The following HERC1 variants were observed in gnomAD, a reference collection of about 807,000 sequenced individuals.
The protein encoded by HERC1 is probable E3 ubiquitin-protein ligase HERC1.
Under a neutral mutation model 554.3 loss-of-function variants are expected in HERC1, and 160 were observed. The observed-to-expected ratio is 0.29, with a 90% CI of 0.25 to 0.33. HERC1 has a LOEUF of 0.33. HERC1 is among the 10% of genes least tolerant of loss of function. The pLI, the probability that HERC1 is intolerant of heterozygous loss-of-function variation, is 1.00. For synonymous variants in HERC1, 2,175 were observed against 2,131.7 expected (o/e 1.02, Z -0.56); for missense variants, 4,919 against 5,918.5 (o/e 0.83, Z 5.54).
chr15:63,635,544 T>C (rs2068744762), intron 65 of HERC1, among the ~76,000 whole-genome samples: 1 of 152,234 alleles, frequency 6.6e-6, no homozygotes, highest in South Asian at 2.1e-4. Context: ...CTATACAATC[T>C]TACAATATGA....
intron 1 of HERC1, among the ~76,000 whole-genome samples, chr15:63,833,549 G>C (rs976722835): frequency 4.6e-5 from 7 of 151,884 alleles, no homozygotes; most frequent in South Asian, 2.1e-4. Flanking sequence ...CCCTCTCCGC[G>C]GGCGCCTCGG....
chr15:63,645,579 C>T lies in HERC1; in HGVS notation c.10982G>A (p.Cys3661Tyr). The T allele has an allele frequency of 1.2e-6, 2 of 1,613,388 alleles. No individual in the cohort carries two copies. Among genetic ancestry groups the T allele is most frequent in the Non-Finnish European group, 1.7e-6 (2 of 1,179,574 alleles). The part of the protein sequence containing the change: ...KLWGSISGCW[C>Y]CLHSLCHPSI... ...TGGATGGCAGAGTGAATGTAGACAG[C>T]ACCAGCATCCCGAAATAGAGCCCCA... is the stretch of plus-strand genomic sequence containing the variant. The change falls in exon 56 of 78, where the codon TGC becomes TAC. Residue 3661 changes from cysteine to tyrosine, a missense_variant. Physicochemically the swap from Cys to Tyr is radical, Grantham distance 194. Transcript: ENST00000443617.
intron 1 of HERC1, among the ~76,000 whole-genome samples, chr15:63,801,485 G>A (rs1356676072): frequency 6.6e-6 from 1 of 152,138 alleles, no homozygotes; most frequent in African/African-American, 2.4e-5. Flanking sequence ...TCACACACTT[G>A]TTGTCAGAAG....
At chr15:63,778,141 A>C (rs2076167152) in intron 1 of HERC1, among the ~76,000 whole-genome samples, 1 of 152,222 alleles carries the variant, frequency 6.6e-6, no homozygotes, top group East Asian at 1.9e-4. Flanking sequence ...AATAATTGTA[A>C]ATAAAAAAGA....
At chr15:63,616,892 C>T (rs1199998631) in intron 74 of HERC1, among the ~76,000 whole-genome samples, 3 of 152,118 alleles carry the variant, frequency 2.0e-5, no homozygotes, top group Non-Finnish European at 2.9e-5. Flanking sequence ...CACATGTGGA[C>T]CGTAGTTATT....
At chr15:63,707,244 G>C (rs1391159946) in intron 24 of HERC1, among the ~76,000 whole-genome samples, 12 of 152,084 alleles carry the variant, frequency 7.9e-5, no homozygotes, top group Admixed American at 7.2e-4. Context: ...ACTTCCACTA[G>C]CCTTCGCTAG....
intron 26 of HERC1, among the ~76,000 whole-genome samples, chr15:63,697,492 T>C (rs1205590518): frequency 1.1e-4 from 16 of 150,660 alleles, no homozygotes; most frequent in Admixed American, 1.1e-3. Context: ...TTCACTCTTG[T>C]TGCCCAGGCT....
At chr15:63,635,180 TG>T (rs1471211841) in intron 65 of HERC1, among the ~76,000 whole-genome samples, 1 of 152,154 alleles carries the variant, frequency 6.6e-6, no homozygotes, top group African/African-American at 2.4e-5. Context: ...CCCAAGTAGC[TG>T]GGACTACAGG....
chr15:63,742,685 T>C (rs7170979), intron 12 of HERC1, among the ~76,000 whole-genome samples: 4,723 of 152,280 alleles, frequency 0.031, 237 homozygotes, highest in African/African-American at 0.11. Context: ...GAAAGAATGT[T>C]GAATTTTGTC....
chr15:63,760,183 T>C (rs2075561100), intron 3 of HERC1, among the ~76,000 whole-genome samples: 1 of 151,276 alleles, frequency 6.6e-6, no homozygotes, highest in South Asian at 2.1e-4. Flanking sequence ...AGACAAAAGT[T>C]GGGAAGGGGA....
intron 51 of HERC1, 65 bp from the exon 52 acceptor site, chr15:63,652,606 T>C (rs1256243037): frequency 1.1e-5 from 14 of 1,306,106 alleles, no homozygotes; most frequent in African/African-American, 1.5e-5. Context: ...TTTGAAAAAG[T>C]TGTATCCAAT....
chr15:63,824,692 C>G (rs1157670233), intron 1 of HERC1, among the ~76,000 whole-genome samples: 1 of 152,070 alleles, frequency 6.6e-6, no homozygotes, highest in Non-Finnish European at 1.5e-5. Flanking sequence ...TGGAACCAAC[C>G]TACACGTCTG....
Position 63,622,862 on chromosome 15 carries a change from A to G in HERC1, c.13641T>C (p.Leu4547=). 1.2e-6 allele frequency: 2 copies of G among 1,606,184 alleles called. No homozygotes were observed. Among genetic ancestry groups the G allele is most frequent in the Non-Finnish European group, 1.7e-6 (2 of 1,176,902 alleles). The part of the protein sequence containing the change: ...QELETGIVDL[L]IPSPNATAEV... ...CTGCGGTGGCATTGGGAGAGGGTAT[A>G]AGAAGGTCAACAATACCAGTTTCAA... The change falls in exon 74 of 78, where the codon CTT becomes CTC. Residue 4547 remains leucine, a synonymous_variant. Transcript: ENST00000443617.
chr15:63,694,625 ATAT>A lies in HERC1; in HGVS notation c.5243-79_5243-77del. The A allele has an allele frequency of 1.4e-6, 2 of 1,438,964 alleles. No homozygotes were observed. The highest frequency in any genetic ancestry group is 3.7e-5 in the Admixed American group (2 of 54,138). The allele number at this position is 1,438,964 out of a possible 1,614,324, so 89.1% of individuals were successfully genotyped here. A position where few individuals can be genotyped will look rare whatever the true frequency, so the allele number is the denominator to read the frequency against. On this transcript the variant is annotated intron_variant, in intron 28 of 77. Transcript: ENST00000443617. The surrounding 1 kb of genome is among the most constrained non-coding windows in gnomAD (Gnocchi z 4.3). ...TTATTAAAATGAATAATTTTCTAAA[ATAT>A]TAATAACATGAAACACTAAATTATT...
intron 12 of HERC1, among the ~76,000 whole-genome samples, chr15:63,736,499 A>G (rs1000691906): frequency 6.6e-6 from 1 of 152,176 alleles, no homozygotes; most frequent in Non-Finnish European, 1.5e-5. Flanking sequence ...ATGAAATATT[A>G]CCTTCCCCTA....
intron 1 of HERC1, among the ~76,000 whole-genome samples, chr15:63,790,749 T>C (rs1234050301): frequency 6.6e-6 from 1 of 151,642 alleles, no homozygotes; most frequent in Non-Finnish European, 1.5e-5. Flanking sequence ...ACTTGTTAAA[T>C]GCTGGCAGAA....
intron 19 of HERC1, among the ~76,000 whole-genome samples, chr15:63,722,435 G>A (rs1454435021): frequency 6.6e-6 from 1 of 152,144 alleles, no homozygotes; most frequent in Non-Finnish European, 1.5e-5. Flanking sequence ...TACATAGCAC[G>A]GAATATAACA....
intron 3 of HERC1, among the ~76,000 whole-genome samples, chr15:63,760,365 A>G (rs550703870): frequency 6.7e-6 from 1 of 148,726 alleles, no homozygotes; most frequent in African/African-American, 2.5e-5. Flanking sequence ...TCCCATATGA[A>G]GTTATTATAA....
At chr15:63,664,352 G>C (rs2070507397) in intron 43 of HERC1, 118 bp downstream of exon 43, 5 of 810,288 alleles carry the variant, frequency 6.2e-6, no homozygotes, top group Non-Finnish European at 9.6e-6. Flanking sequence ...TAGCTGTTCT[G>C]TTAATGTGGA....
Sources: allele counts gnomAD v4.1 joint callset (sites outside exome capture counted in the v4.1 genomes callset), GRCh38; gene constraint gnomAD v4.1.1; non-coding constraint Gnocchi (gnomAD v3.1); transcripts MANE v1.5; gene names NCBI Gene and HGNC (gene_info 2026-07-23, HGNC 2026-07-21).